LAPTM5: variants seen among roughly 807,000 people sequenced by gnomAD.
The protein encoded by LAPTM5 is lysosomal protein transmembrane 5.
In LAPTM5, 11 loss-of-function variants were observed where a neutral mutation model predicts 30.1. That is an observed-to-expected ratio of 0.37 (90% CI 0.23 to 0.60). LAPTM5 has a LOEUF of 0.60. LAPTM5 is among the 20% of genes least tolerant of loss of function. LAPTM5 has a pLI of 0.71. For synonymous variants in LAPTM5, 151 were observed against 137.9 expected, an observed-to-expected ratio of 1.10 and a Z score of -0.67; for missense variants, 324 against 332.5, an observed-to-expected ratio of 0.97 and a Z score of 0.20.
At chr1:30,749,331 GGC>G (rs1640095717) in intron 1 of LAPTM5, among the ~76,000 whole-genome samples, 1 of 152,208 alleles carries the variant, frequency 6.6e-6, no homozygotes, top group African/African-American at 2.4e-5. Flanking sequence ...AGTCAGTGGG[GGC>G]GGGGCAGTGG....
At position 30,733,026 on chromosome 1, in the gene LAPTM5, T is replaced by C. The variant is rs937008566; in HGVS notation, c.*802A>G. 5.9e-5 allele frequency: 9 copies of C among 153,582 alleles called. No individual in the cohort carries two copies. Among genetic ancestry groups the C allele is most frequent in the African/African-American group, 2.2e-4 (9 of 41,426 alleles). 9.5% of individuals were successfully genotyped at this position (153,582 alleles called of 1,614,324 possible). A position where few individuals can be genotyped will look rare whatever the true frequency, so the allele number is the denominator to read the frequency against. ...TGATGACAACTCTTCAGCAGAACAA[T>C]TGTGTGTTTGAAGGGACTGTTTTAT... On this transcript the variant is annotated 3_prime_UTR_variant, in exon 8 of 8. Coordinates refer to ENST00000294507, the MANE Select transcript of LAPTM5 (RefSeq NM_006762.3).
intron 1 of LAPTM5, among the ~76,000 whole-genome samples, chr1:30,751,153 T>C (rs1188348): frequency 0.34 from 51,284 of 152,192 alleles, 8,841 homozygotes; most frequent in South Asian, 0.39. Flanking sequence ...ACTCTCTGGG[T>C]GGGATGGGCC....
intron 1 of LAPTM5, among the ~76,000 whole-genome samples, chr1:30,747,823 C>A (rs1640070261): frequency 1.3e-5 from 2 of 152,208 alleles, no homozygotes; most frequent in South Asian, 4.2e-4. Flanking sequence ...GAGGCACTGG[C>A]CATGGTGACC....
At chr1:30,735,348 A>G (rs1171374570) in intron 6 of LAPTM5, 83 bp from the exon 7 acceptor site, 3 of 1,093,866 alleles carry the variant, frequency 2.7e-6, no homozygotes, top group East Asian at 4.7e-5. Flanking sequence ...GCCAGGCAGG[A>G]GCCACCACTC....
At chr1:30,743,801 T>TTTTG (rs1375745324) in intron 1 of LAPTM5, among the ~76,000 whole-genome samples, 2 of 146,150 alleles carry the variant, frequency 1.4e-5, no homozygotes, top group East Asian at 4.0e-4. Context: ...GTGGGTTTTT[T>TTTTG]TTTTTTTTTT....
intron 3 of LAPTM5, among the ~76,000 whole-genome samples, chr1:30,740,399 T>TCCCCCCCCCCCCCCCCCCCCC (rs148522746): frequency 9.7e-6 from 1 of 103,192 alleles, no homozygotes; most frequent in Non-Finnish European, 2.0e-5. Flanking sequence ...AGAGAGCCCC[T>TCCCCCCCCCCCCCCCCCCCCC]CCCCCCCACC....
intron 1 of LAPTM5, among the ~76,000 whole-genome samples, chr1:30,743,061 C>T (rs1296748982): frequency 6.6e-6 from 1 of 152,142 alleles, no homozygotes; most frequent in Non-Finnish European, 1.5e-5. Context: ...TCAACACAGG[C>T]CCAGGAGGGC....
chr1:30,750,436 A>T (rs995338772), intron 1 of LAPTM5, among the ~76,000 whole-genome samples: 4 of 152,292 alleles, frequency 2.6e-5, no homozygotes, highest in African/African-American at 9.6e-5. Context: ...GAGTATTTTC[A>T]ATCTGCAATC....
intron 7 of LAPTM5, among the ~76,000 whole-genome samples, chr1:30,734,141 C>G (rs565226363): frequency 2.6e-5 from 4 of 152,334 alleles, no homozygotes; most frequent in African/African-American, 9.6e-5. Flanking sequence ...TCAAGTCCCC[C>G]TTATTTTGAA....
intron 1 of LAPTM5, among the ~76,000 whole-genome samples, chr1:30,744,637 G>T (rs1378401052): frequency 6.6e-6 from 1 of 152,094 alleles, no homozygotes; most frequent in African/African-American, 2.4e-5. Context: ...TGTTTTATAA[G>T]CTTCCTCTGC....
chr1:30,752,053 A>G (rs1640145674), intron 1 of LAPTM5, among the ~76,000 whole-genome samples: 1 of 152,204 alleles, frequency 6.6e-6, no homozygotes. Context: ...TTCCTGGAGG[A>G]GGAAGCTTCC....
At chr1:30,737,213 C>T (rs1312703573) in intron 6 of LAPTM5, among the ~76,000 whole-genome samples, 1 of 152,172 alleles carries the variant, frequency 6.6e-6, no homozygotes, top group African/African-American at 2.4e-5. Context: ...ATTTTGATGC[C>T]TGAATTACAT....
chr1:30,739,862 C>T lies in LAPTM5; in HGVS notation c.334G>A (p.Gly112Ser). Residue 112 changes from glycine (G) to serine (S), a missense_variant, in exon 4 of 8, where the codon GGC becomes AGC. Physicochemically the swap from Gly to Ser is moderately conservative, Grantham distance 56. Coordinates refer to ENST00000294507, the MANE Select transcript of LAPTM5 (RefSeq NM_006762.3). This position sits in a 1 kb window ranked among gnomAD's most constrained non-coding sequence, Gnocchi z 4.2. ...DYLLCLLTLL[G>S]SYIELPAYLK... ...TAGGCGGGCAGCTCAATGTAGGAGC[C>T]CAGCAGGGTGAGCAGGCACAGGAGA... 11 of 1,607,776 alleles carry T rather than the reference C, an allele frequency of 6.8e-6. No individual in the cohort carries two copies. The highest frequency in any genetic ancestry group is 1.1e-5 in the South Asian group (1 of 90,056).
rs1639834060 is a variant in LAPTM5, at chr1:30,733,062, CTG to C, written c.*764_*765del. 1 of 154,694 alleles carries C rather than the reference CTG, an allele frequency of 6.5e-6. No individual in the cohort carries two copies. The highest frequency in any genetic ancestry group is 2.4e-5 in the African/African-American group (1 of 41,432). The allele number at this position is 154,694 out of a possible 1,614,324, so 9.6% of individuals were successfully genotyped here. The stretch of plus-strand genomic sequence containing the variant: ...AAGGGACTGTTTTATGATGAAATAA[CTG>C]TTATTTCCTGGAGCTAATTGTTGAA... On this transcript the variant is annotated 3_prime_UTR_variant, in exon 8 of 8. Coordinates refer to ENST00000294507, the MANE Select transcript of LAPTM5 (RefSeq NM_006762.3).
Position 30,733,718 on chromosome 1 carries a change from C to A in LAPTM5, c.*110G>T. ...AGGGAGACACAAGCAGATTGTCCTG[C>A]CAGGGAGGGGCGGGAGGGCCCACCC... On this transcript the variant is annotated 3_prime_UTR_variant, in exon 8 of 8. Transcript: ENST00000294507. 6.5e-7 allele frequency: 1 copy of A among 1,532,018 alleles called. No homozygotes were observed. 94.9% of individuals were successfully genotyped at this position (1,532,018 alleles called of 1,614,324 possible).
At chr1:30,753,687 C>T (rs539813383) in intron 1 of LAPTM5, among the ~76,000 whole-genome samples, 1 of 152,238 alleles carries the variant, frequency 6.6e-6, no homozygotes, top group South Asian at 2.1e-4. Context: ...AAATGTAACG[C>T]GGCATCCTGG....
chr1:30,734,450 C>G (rs1639858937), intron 7 of LAPTM5, among the ~76,000 whole-genome samples: 1 of 152,160 alleles, frequency 6.6e-6, no homozygotes, highest in South Asian at 2.1e-4. Flanking sequence ...AAGCCAACAT[C>G]AAGGAAAGTA....
chr1:30,749,228 A>G (rs1253389510), intron 1 of LAPTM5, among the ~76,000 whole-genome samples: 1 of 152,240 alleles, frequency 6.6e-6, no homozygotes, highest in Non-Finnish European at 1.5e-5. Flanking sequence ...ACGTTGGGAG[A>G]AAGAAGTGCT....
rs1639843651 is a variant in LAPTM5 at position 30,733,599 on chromosome 1, G to A, written c.*229C>T. On this transcript the variant is annotated 3_prime_UTR_variant, in exon 8 of 8. Coordinates refer to ENST00000294507, the MANE Select transcript of LAPTM5 (RefSeq NM_006762.3). Reference sequence around the variant, plus strand: ...ATTGAAATAAACCAAGCATTGTTGGGCTGAATTATGGAGAGACCCGAGGAG... The same window carrying A: ...ATTGAAATAAACCAAGCATTGTTGGACTGAATTATGGAGAGACCCGAGGAG... 2 of 1,526,462 alleles carry A rather than the reference G, an allele frequency of 1.3e-6. No homozygotes were observed. Among genetic ancestry groups the A allele is most frequent in the South Asian group, 1.2e-5 (1 of 83,150 alleles). The allele number at this position is 1,526,462 out of a possible 1,614,324, so 94.6% of individuals were successfully genotyped here. A position where few individuals can be genotyped will look rare whatever the true frequency, so the allele number is the denominator to read the frequency against.
Sources: gnomAD v4.1 joint callset for allele counts (sites outside exome capture counted in the v4.1 genomes callset) on GRCh38, gnomAD v4.1.1 for gene constraint, Gnocchi (gnomAD v3.1) non-coding constraint, MANE v1.5 for transcripts, NCBI Gene and HGNC (gene_info 2026-07-23, HGNC 2026-07-21) for gene names.